Variants in CRACD observed in about 807,000 individuals in gnomAD.
CRACD encodes the protein capping protein-inhibiting regulator of actin dynamics.
CRACD carries 56 observed loss-of-function variants against 106.8 expected under a neutral mutation model. The observed-to-expected ratio is 0.52, with a 90% confidence interval of 0.42 to 0.66. CRACD has a LOEUF of 0.66. Ranked by LOEUF, CRACD falls within the 30% of genes least tolerant of loss-of-function variation. CRACD has a pLI of 0.00. For missense variants in CRACD, 1,730 were observed against 1,623.2 expected, an observed-to-expected ratio of 1.07 and a Z score of -1.13; for synonymous variants, 754 against 670.8, an observed-to-expected ratio of 1.12 and a Z score of -1.92.
chr4:56,111,316 A>C (rs1029435743), intron 1 of CRACD, among the ~76,000 whole-genome samples: 8 of 152,140 alleles, frequency 5.3e-5, no homozygotes, highest in Non-Finnish European at 1.2e-4. Context: ...TCAGTGTTGA[A>C]AGAAACAACT....
chr4:56,065,551 C>T (rs1156382545), intron 1 of CRACD, among the ~76,000 whole-genome samples: 4 of 152,280 alleles, frequency 2.6e-5, no homozygotes, highest in East Asian at 1.9e-4. Context: ...CTGCAACCTC[C>T]GGTGAGGTAC....
intron 8 of CRACD, among the ~76,000 whole-genome samples, chr4:56,320,145 C>A (rs1355868154): frequency 1.7e-4 from 25 of 145,186 alleles, no homozygotes; most frequent in South Asian, 4.4e-4. Context: ...ACTCCAGCCT[C>A]AAAAAAAAAA....
At chr4:56,147,012 G>C (rs1735410255) in intron 1 of CRACD, among the ~76,000 whole-genome samples, 1 of 152,134 alleles carries the variant, frequency 6.6e-6, no homozygotes. Flanking sequence ...TGGCAAGGTG[G>C]GCACGTCTTG....
Position 56,273,820 on chromosome 4 carries a change from C to A in CRACD, c.-17+1328C>A, listed in dbSNP as rs78217202. Among the ~76,000 whole-genome samples the A allele has an allele frequency of 2.4e-4, 37 of 152,280 alleles. No homozygotes were observed. In the East Asian group the frequency reaches 6.2e-3, roughly 25 times the overall value. Reference sequence around the variant, plus strand: ...CTCAAAAAAATGTTTTCCATGAATGCCTGACACTGCATAAGCTAAGCGGAA... The same window carrying A: ...CTCAAAAAAATGTTTTCCATGAATGACTGACACTGCATAAGCTAAGCGGAA... On this transcript the variant is annotated intron_variant, in intron 3 of 10. Coordinates refer to ENST00000682029, the MANE Select transcript of CRACD (RefSeq NM_001393381.1).
Position 56,229,997 on chromosome 4 carries a change from G to A in CRACD, c.-188-42324G>A, listed in dbSNP as rs143259283. 1.1e-3 allele frequency among the ~76,000 whole-genome samples: 168 copies of A among 152,316 alleles called. 1 individual carries two copies. Among genetic ancestry groups the A allele is most frequent in the African/African-American group, 3.8e-3 (160 of 41,570 alleles). ...ATATTGCTTGGAAAAAGAAAAGCAT[G>A]TCTTTATGTTTGCCCCTGCACTATG... is the stretch of plus-strand genomic sequence containing the variant. On this transcript the variant is annotated intron_variant, in intron 2 of 10. Coordinates refer to ENST00000682029, the MANE Select transcript of CRACD (RefSeq NM_001393381.1).
intron 2 of CRACD, among the ~76,000 whole-genome samples, chr4:56,231,295 A>G (rs555113898): frequency 6.6e-6 from 1 of 152,344 alleles, no homozygotes; most frequent in Non-Finnish European, 1.5e-5. Context: ...AGCAATATGT[A>G]TCCAACACAT....
chr4:56,138,917 TA>T (rs1324195358), intron 1 of CRACD, among the ~76,000 whole-genome samples: 1 of 152,208 alleles, frequency 6.6e-6, no homozygotes, highest in Non-Finnish European at 1.5e-5. Flanking sequence ...CAGCAGATTT[TA>T]AAAAGCTCTG....
At chr4:56,293,672 G>A (rs1486522252) in intron 3 of CRACD, among the ~76,000 whole-genome samples, 1 of 152,198 alleles carries the variant, frequency 6.6e-6, no homozygotes, top group Non-Finnish European at 1.5e-5. Flanking sequence ...AGGAGCAAGA[G>A]AGAGCAAGGC....
chr4:56,211,281 A>G (rs1241309364), intron 2 of CRACD, among the ~76,000 whole-genome samples: 1 of 152,198 alleles, frequency 6.6e-6, no homozygotes, highest in African/African-American at 2.4e-5. Flanking sequence ...AGACTGACAA[A>G]GGATTTTTCC....
Position 56,328,069 on chromosome 4 carries a change from C to A in CRACD, c.*265C>A. ...GACCACATGAAGCAAAATCTCTAAG[C>A]TAAGAACTCGTGAGAGCCTGCCATG... On this transcript the variant is annotated 3_prime_UTR_variant, in exon 11 of 11. Transcript: ENST00000682029. 1 of 395,858 alleles carries A rather than the reference C, an allele frequency of 2.5e-6. No homozygotes were observed. Among genetic ancestry groups the A allele is most frequent in the Non-Finnish European group, 4.6e-6 (1 of 215,056 alleles). The allele number at this position is 395,858 out of a possible 1,614,324, so 24.5% of individuals were successfully genotyped here. A position where few individuals can be genotyped will look rare whatever the true frequency, so the allele number is the denominator to read the frequency against.
intron 1 of CRACD, among the ~76,000 whole-genome samples, chr4:56,172,651 A>G (rs1156393227): frequency 6.9e-6 from 1 of 144,592 alleles, no homozygotes; most frequent in Non-Finnish European, 1.5e-5. Flanking sequence ...TTGAGACAGC[A>G]TCTTGCTCTG....
chr4:56,134,437 T>A (rs1423258218), intron 1 of CRACD, among the ~76,000 whole-genome samples: 1 of 152,088 alleles, frequency 6.6e-6, no homozygotes, highest in East Asian at 1.9e-4. Flanking sequence ...CCCCGCAATT[T>A]CATGTGTCTA....
chr4:56,153,967 T>C (rs1735678298), intron 1 of CRACD, among the ~76,000 whole-genome samples: 1 of 152,232 alleles, frequency 6.6e-6, no homozygotes, highest in Admixed American at 6.5e-5. Context: ...CTTTTCTTCC[T>C]AGTACTTAAC....
At chr4:56,203,750 C>G (rs1053685037) in intron 2 of CRACD, among the ~76,000 whole-genome samples, 1 of 152,168 alleles carries the variant, frequency 6.6e-6, no homozygotes, top group Non-Finnish European at 1.5e-5. Context: ...ACTTTGGGAC[C>G]GCATTGATTC....
At chr4:56,057,814 GTTTTTTT>G in intron 1 of CRACD, among the ~76,000 whole-genome samples, 1 of 67,308 alleles carries the variant, frequency 1.5e-5, no homozygotes, top group East Asian at 3.8e-4. Flanking sequence ...TTTTTTTTTT[GTTTTTTT>G]TTTTTTTTTT....
intron 1 of CRACD, among the ~76,000 whole-genome samples, chr4:56,093,979 G>GT (rs1297088479): frequency 6.6e-6 from 1 of 152,130 alleles, no homozygotes; most frequent in African/African-American, 2.4e-5. Context: ...AATTTAAATT[G>GT]TTATCACTTG....
At chr4:56,268,320 C>T (rs1044941530) in intron 2 of CRACD, among the ~76,000 whole-genome samples, 1 of 152,028 alleles carries the variant, frequency 6.6e-6, no homozygotes, top group Non-Finnish European at 1.5e-5. Context: ...CTCTGCTTAT[C>T]TCGAAAGCTA....
At chr4:56,311,897 C>T (rs1438480117) in intron 6 of CRACD, among the ~76,000 whole-genome samples, 4 of 152,180 alleles carry the variant, frequency 2.6e-5, no homozygotes, top group Non-Finnish European at 5.9e-5. Flanking sequence ...TGGTGTCCTA[C>T]CTTCTAATTC....
intron 2 of CRACD, among the ~76,000 whole-genome samples, chr4:56,182,436 A>C (rs866675170): frequency 1.3e-4 from 20 of 151,390 alleles, no homozygotes; most frequent in Middle Eastern, 3.4e-3. Flanking sequence ...AAAGAAACAA[A>C]AAAAAAAAAC....
Sources: allele counts gnomAD v4.1 joint callset (sites outside exome capture counted in the v4.1 genomes callset), GRCh38; gene constraint gnomAD v4.1.1; transcripts MANE v1.5; gene names NCBI Gene and HGNC (gene_info 2026-07-23, HGNC 2026-07-21).